SGMS1: variants seen among roughly 807,000 people sequenced by gnomAD.
SGMS1 encodes phosphatidylcholine:ceramide cholinephosphotransferase 1.
A neutral mutation model predicts 46.2 loss-of-function variants in SGMS1; 13 were observed. That is an observed-to-expected ratio of 0.28 (90% CI 0.18 to 0.45). The LOEUF (loss-of-function observed/expected upper bound fraction) is 0.45, where lower values mean the gene tolerates loss of function less well. SGMS1 is among the 20% of genes least tolerant of loss of function. The pLI is 1.00. For missense variants in SGMS1, 324 were observed against 519.9 expected (o/e 0.62, Z 3.66); for synonymous variants, 203 against 187.8 (o/e 1.08, Z -0.66).
At chr10:50,417,634 T>C (rs1327807514) in intron 6 of SGMS1, among the ~76,000 whole-genome samples, 1 of 151,762 alleles carries the variant, frequency 6.6e-6, no homozygotes, top group African/African-American at 2.4e-5. Context: ...ACCAAAGGAG[T>C]TGCCAAAAGG....
chr10:50,325,814 T>C (rs7089536), intron 8 of SGMS1, among the ~76,000 whole-genome samples: 3,520 of 152,258 alleles, frequency 0.023, 127 homozygotes, highest in African/African-American at 0.077. Context: ...CACAGACTTT[T>C]TTAAGGAGCT....
chr10:50,405,864 C>T (rs1390911663), intron 6 of SGMS1, among the ~76,000 whole-genome samples: 1 of 152,034 alleles, frequency 6.6e-6, no homozygotes, highest in Non-Finnish European at 1.5e-5. Flanking sequence ...TGTATTTATC[C>T]AAGGTTTAAG....
chr10:50,327,068 T>A (rs946212542), intron 8 of SGMS1, 137 bp downstream of exon 8: 10 of 550,144 alleles, frequency 1.8e-5, no homozygotes, highest in Non-Finnish European at 3.3e-5. Flanking sequence ...CCTGGCCATA[T>A]CATTTAGTAA....
At chr10:50,549,651 C>G (rs1838132062) in intron 2 of SGMS1, among the ~76,000 whole-genome samples, 2 of 152,134 alleles carry the variant, frequency 1.3e-5, no homozygotes, top group East Asian at 3.8e-4. Flanking sequence ...CACACGTTTA[C>G]CTATGTAACA....
At chr10:50,413,691 C>G (rs1034626284) in intron 6 of SGMS1, among the ~76,000 whole-genome samples, 1 of 152,172 alleles carries the variant, frequency 6.6e-6, no homozygotes, top group African/African-American at 2.4e-5. Context: ...ACCAAATTTT[C>G]CCTGGGGGTT....
Position 50,425,787 on chromosome 10 carries a change from T to C in SGMS1, c.-232+7689A>G, listed in dbSNP as rs113357427. 1.1e-3 allele frequency among the ~76,000 whole-genome samples: 164 copies of C among 152,346 alleles called. 1 individual carries two copies. Among genetic ancestry groups the C allele is most frequent in the African/African-American group, 3.8e-3 (157 of 41,578 alleles). On this transcript the variant is annotated intron_variant, in intron 6 of 10. Transcript: ENST00000361781. Reference sequence around the variant, plus strand: ...AAGCCGTGAATATTTAAACATGTTTTGTAGATCAGGTTGGCAAGAATGAAT... The same window carrying C: ...AAGCCGTGAATATTTAAACATGTTTCGTAGATCAGGTTGGCAAGAATGAAT...
chr10:50,395,611 C>T (rs1235267499), intron 6 of SGMS1, among the ~76,000 whole-genome samples: 1 of 152,096 alleles, frequency 6.6e-6, no homozygotes, highest in Admixed American at 6.5e-5. Flanking sequence ...GTTATTTCCA[C>T]AAAACTAAAT....
intron 5 of SGMS1, among the ~76,000 whole-genome samples, chr10:50,447,042 G>T (rs1035401364): frequency 6.6e-6 from 1 of 152,122 alleles, no homozygotes; most frequent in African/African-American, 2.4e-5. Flanking sequence ...ACAAACTATT[G>T]TCTGCTTCCT....
intron 3 of SGMS1, among the ~76,000 whole-genome samples, chr10:50,508,616 G>A (rs944756584): frequency 2.6e-5 from 4 of 152,144 alleles, no homozygotes; most frequent in African/African-American, 7.2e-5. Context: ...CTCCAACAGC[G>A]GAGTTTGTTT....
At chr10:50,557,633 G>A (rs1588876264) in intron 2 of SGMS1, among the ~76,000 whole-genome samples, 2 of 134,112 alleles carry the variant, frequency 1.5e-5, no homozygotes, top group African/African-American at 2.8e-5. Flanking sequence ...GTAGAAATTA[G>A]AACCTGATAT....
At chr10:50,617,073 A>G (rs1322304388) in intron 1 of SGMS1, among the ~76,000 whole-genome samples, 1 of 152,184 alleles carries the variant, frequency 6.6e-6, no homozygotes, top group African/African-American at 2.4e-5. Context: ...AATAAAAAAA[A>G]TTGGGGGGGC....
At chr10:50,329,203 T>G (rs1847576740) in intron 7 of SGMS1, among the ~76,000 whole-genome samples, 1 of 152,186 alleles carries the variant, frequency 6.6e-6, no homozygotes. Flanking sequence ...ATTTCAAACT[T>G]GACTTACATG....
intron 2 of SGMS1, among the ~76,000 whole-genome samples, chr10:50,524,757 T>G (rs1200238806): frequency 4.6e-5 from 7 of 152,288 alleles, no homozygotes; most frequent in African/African-American, 1.4e-4. Context: ...GGCTTTTCAT[T>G]ACAAACAGCA....
At chr10:50,315,903 C>T (rs1035571291) in intron 8 of SGMS1, among the ~76,000 whole-genome samples, 1 of 152,086 alleles carries the variant, frequency 6.6e-6, no homozygotes, top group Non-Finnish European at 1.5e-5. Flanking sequence ...GGTAAATTGG[C>T]CAAATCACTT....
chr10:50,492,104 A>G (rs1202800539), intron 3 of SGMS1, among the ~76,000 whole-genome samples: 1 of 152,252 alleles, frequency 6.6e-6, no homozygotes, highest in Non-Finnish European at 1.5e-5. Context: ...AAGGGTTTTG[A>G]TAAAATTCAA....
chr10:50,348,488 G>A (rs1847951372), intron 6 of SGMS1, among the ~76,000 whole-genome samples: 1 of 152,118 alleles, frequency 6.6e-6, no homozygotes, highest in Non-Finnish European at 1.5e-5. Flanking sequence ...CAAAATCAAT[G>A]TGCAAAAATT....
intron 3 of SGMS1, among the ~76,000 whole-genome samples, chr10:50,476,798 C>A (rs1837431866): frequency 6.6e-6 from 1 of 152,218 alleles, no homozygotes; most frequent in African/African-American, 2.4e-5. Context: ...AAGCCAGAAG[C>A]CAACAAGGCT....
intron 6 of SGMS1, among the ~76,000 whole-genome samples, chr10:50,411,546 G>A (rs576394410): frequency 1.3e-5 from 2 of 152,282 alleles, no homozygotes; most frequent in South Asian, 2.1e-4. Context: ...CCTGCAGTGC[G>A]TGGTAATTTC....
intron 8 of SGMS1, among the ~76,000 whole-genome samples, 160 bp from the exon 9 acceptor site, chr10:50,311,575 C>A (rs1486853132): frequency 6.6e-6 from 1 of 150,604 alleles, no homozygotes; most frequent in Non-Finnish European, 1.5e-5. Flanking sequence ...CCAAGAGTAG[C>A]CCTTGGGGCG....
Sources: allele counts gnomAD v4.1 joint callset (sites outside exome capture counted in the v4.1 genomes callset), GRCh38; gene constraint gnomAD v4.1.1; transcripts MANE v1.5; gene names NCBI Gene and HGNC (gene_info 2026-07-23, HGNC 2026-07-21).